SRGAP2: variants seen among roughly 807,000 people sequenced by gnomAD.
SRGAP2 encodes SLIT-ROBO Rho GTPase activating protein 2.
Under a neutral mutation model 57.2 loss-of-function variants are expected in SRGAP2, and 15 were observed. That is an observed-to-expected ratio of 0.26 (90% confidence interval 0.18 to 0.40). SRGAP2 has a LOEUF of 0.40. Ranked by LOEUF, SRGAP2 falls within the 10% of genes least tolerant of loss-of-function variation. SRGAP2 has a pLI of 1.00. For missense variants in SRGAP2, 520 were observed against 669.6 expected (o/e 0.78, Z 2.47); for synonymous variants, 249 against 248.0 (o/e 1.00, Z -0.04).
intron 3 of SRGAP2, among the ~76,000 whole-genome samples, chr1:206,304,442 A>G (rs1672071358): frequency 7.1e-6 from 1 of 141,512 alleles, no homozygotes; most frequent in South Asian, 2.4e-4. Flanking sequence ...GCCACATTGG[A>G]AGAAGAAGAA....
At chr1:206,236,943 C>G (rs1221266731) in intron 2 of SRGAP2, among the ~76,000 whole-genome samples, 1 of 133,790 alleles carries the variant, frequency 7.5e-6, no homozygotes, top group Non-Finnish European at 1.6e-5. Flanking sequence ...CAGCTGGTCT[C>G]TAACTCCTGG....
At chr1:206,210,080 C>T (rs1248984376) in intron 2 of SRGAP2, among the ~76,000 whole-genome samples, 2 of 148,488 alleles carry the variant, frequency 1.3e-5, no homozygotes, top group African/African-American at 5.0e-5. Flanking sequence ...TGGTCATAAA[C>T]TGAAGCCTTT....
chr1:206,267,394 G>A (rs1356445371), intron 2 of SRGAP2, among the ~76,000 whole-genome samples: 4 of 151,200 alleles, frequency 2.6e-5, no homozygotes, highest in South Asian at 2.1e-4. Flanking sequence ...GAGTATGAAC[G>A]GAAAATTGAC....
At chr1:206,311,570 G>T (rs545276885) in intron 3 of SRGAP2, among the ~76,000 whole-genome samples, 1 of 152,242 alleles carries the variant, frequency 6.6e-6, no homozygotes, top group Non-Finnish European at 1.5e-5. Context: ...GAGAACAAAG[G>T]CTGATGGATA....
chr1:206,256,212 C>G (rs1357594939), intron 2 of SRGAP2, among the ~76,000 whole-genome samples: 1 of 151,878 alleles, frequency 6.6e-6, no homozygotes. Flanking sequence ...ACCCATTACC[C>G]CACCCAAGAA....
intron 3 of SRGAP2, among the ~76,000 whole-genome samples, chr1:206,314,116 T>TTTGTTG (rs1171403452): frequency 1.3e-5 from 2 of 149,144 alleles, no homozygotes; most frequent in Non-Finnish European, 3.0e-5. Context: ...TTTTTTTTTT[T>TTTGTTG]TTGTTGTTGT....
intron 4 of SRGAP2, among the ~76,000 whole-genome samples, chr1:206,350,926 C>T (rs1553338045): frequency 1.3e-5 from 2 of 151,946 alleles, no homozygotes; most frequent in Admixed American, 1.3e-4. Context: ...TTAAACATGT[C>T]CTTTTGCCAT....
At chr1:206,440,445 A>G (rs1274495130) in intron 17 of SRGAP2, among the ~76,000 whole-genome samples, 1 of 152,174 alleles carries the variant, frequency 6.6e-6, no homozygotes, top group Non-Finnish European at 1.5e-5. Flanking sequence ...ACAGTGTACA[A>G]GCAGCAGCCC....
rs1241740457 is a variant in SRGAP2 at position 206,417,397 on chromosome 1, C to G, written c.1441+1424C>G. ...GGGATTACAAGCGTGAGCCACCATGCCTGGCTGATCTTATGACTTTTTTTT... is the reference window on the plus strand; with the variant it reads ...GGGATTACAAGCGTGAGCCACCATGGCTGGCTGATCTTATGACTTTTTTTT... On this transcript the variant is annotated intron_variant, in intron 11 of 22. Coordinates refer to ENST00000573034, the MANE Select transcript of SRGAP2 (RefSeq NM_015326.5). 1.2e-4 allele frequency among the ~76,000 whole-genome samples: 18 copies of G among 144,322 alleles called. 1 individual carries two copies. 94.7% of individuals were successfully genotyped at this position (144,322 alleles called of 152,430 possible). A position where few individuals can be genotyped will look rare whatever the true frequency, so the allele number is the denominator to read the frequency against.
At chr1:206,422,820 T>A (rs1194986270) in intron 13 of SRGAP2, among the ~76,000 whole-genome samples, 4 of 152,188 alleles carry the variant, frequency 2.6e-5, no homozygotes, top group Non-Finnish European at 5.9e-5. Context: ...TGGTGCTAGA[T>A]TTGCGTAGGA....
At chr1:206,323,331 T>C (rs1673611635) in intron 3 of SRGAP2, among the ~76,000 whole-genome samples, 1 of 152,208 alleles carries the variant, frequency 6.6e-6, no homozygotes, top group Admixed American at 6.5e-5. Context: ...TCAGGAGAAG[T>C]GAGAGACCCA....
At chr1:206,387,011 A>AGCT (rs1656350845) in intron 5 of SRGAP2, among the ~76,000 whole-genome samples, 1 of 149,422 alleles carries the variant, frequency 6.7e-6, no homozygotes. Context: ...CTATAGTCCC[A>AGCT]GCTACTCAGG....
chr1:206,455,159 G>A, intron 21 of SRGAP2, 135 bp downstream of exon 21: 2 of 742,142 alleles, frequency 2.7e-6, no homozygotes, highest in Middle Eastern at 2.3e-4. Context: ...GTTTGCATGT[G>A]GTCATTGCTG....
chr1:206,327,322 C>T lies in SRGAP2; in HGVS notation c.261-15524C>T, dbSNP rs61816807. 1.1e-4 allele frequency among the ~76,000 whole-genome samples: 17 copies of T among 148,532 alleles called. 1 individual carries two copies. Among genetic ancestry groups the T allele is most frequent in the South Asian group, 4.3e-4 (2 of 4,684 alleles). The stretch of plus-strand genomic sequence containing the variant: ...AGCCTGGACAACAAGAGCGAAACTC[C>T]GTCTCAAAAAAAAAAAAAAAGAAGT... On this transcript the variant is annotated intron_variant, in intron 3 of 22. Transcript: ENST00000573034.
chr1:206,318,707 A>G (rs1673230884), intron 3 of SRGAP2, among the ~76,000 whole-genome samples: 1 of 152,136 alleles, frequency 6.6e-6, no homozygotes, highest in African/African-American at 2.4e-5. Flanking sequence ...GGGAGCCAGC[A>G]TGTCACATGG....
intron 2 of SRGAP2, among the ~76,000 whole-genome samples, chr1:206,283,783 A>G (rs1670870958): frequency 5.5e-5 from 8 of 144,484 alleles, no homozygotes; most frequent in Non-Finnish European, 1.5e-5. Flanking sequence ...AAGCAAATTT[A>G]TGTAAAATAT....
chr1:206,436,351 C>CTTTTTTTTTTTTTTTTTTTTT (rs558991193), intron 14 of SRGAP2, among the ~76,000 whole-genome samples: 1 of 144,318 alleles, frequency 6.9e-6, no homozygotes. Flanking sequence ...ATTTCCCATT[C>CTTTTTTTTTTTTTTTTTTTTT]TTTTTTTTTT....
chr1:206,220,617 C>T (rs1490887068), intron 2 of SRGAP2, among the ~76,000 whole-genome samples: 6 of 152,326 alleles, frequency 3.9e-5, no homozygotes, highest in South Asian at 2.1e-4. Context: ...CCATCTTGTT[C>T]CAGTGACCCA....
intron 3 of SRGAP2, among the ~76,000 whole-genome samples, chr1:206,332,217 C>A (rs1288205924): frequency 3.4e-5 from 4 of 119,316 alleles, no homozygotes; most frequent in African/African-American, 1.0e-4. Flanking sequence ...GGTAACCCGA[C>A]CTTTCTCTCT....
Sources: gnomAD v4.1 joint callset for allele counts (sites outside exome capture counted in the v4.1 genomes callset) on GRCh38, gnomAD v4.1.1 for gene constraint, MANE v1.5 for transcripts, NCBI Gene and HGNC (gene_info 2026-07-23, HGNC 2026-07-21) for gene names.